Variants in CD46 observed in about 807,000 individuals in gnomAD.
The protein encoded by CD46 is CD46 molecule.
CD46 carries 30 observed loss-of-function variants against 53.3 expected under a neutral mutation model. The ratio of observed to expected loss-of-function variants is 0.56; its 90% confidence interval spans 0.42 to 0.76. The LOEUF is 0.76. Ranked by LOEUF, CD46 falls within the 30% of genes least tolerant of loss-of-function variation. The pLI is 0.00. For synonymous variants in CD46, 142 were observed against 152.0 expected (o/e 0.93, Z 0.48); for missense variants, 409 against 463.0 (o/e 0.88, Z 1.07).
chr1:207,776,325 T>C (rs1658096848), intron 8 of CD46, among the ~76,000 whole-genome samples: 1 of 152,218 alleles, frequency 6.6e-6, no homozygotes, highest in African/African-American at 2.4e-5. Context: ...GTCCTTGCGC[T>C]TCCGGGTGAG....
At chr1:207,767,690 T>C (rs1357621141) in intron 6 of CD46, 89 bp from the exon 7 acceptor site, 1 of 1,595,538 alleles carries the variant, frequency 6.3e-7, no homozygotes, top group East Asian at 2.2e-5. Flanking sequence ...CTTCCTTATA[T>C]GTTACAAGAT....
chr1:207,790,244 T>C lies in CD46; in HGVS notation c.1083-9T>C, dbSNP rs771931491. On this transcript the variant is annotated splice_polypyrimidine_tract_variant and intron_variant, in intron 11 of 12. Coordinates refer to ENST00000367042, the MANE Select transcript of CD46 (RefSeq NM_172351.3). ...ATTTTATTCAGCCGTTTTCTCTTCC[T>C]CTGTTCAGCACATACCTAACTGATG... The C allele has an allele frequency of 2.0e-6, 3 of 1,468,526 alleles. No individual in the cohort carries two copies. In the East Asian group the frequency reaches 6.8e-5, roughly 33 times the overall value. The allele number at this position is 1,468,526 out of a possible 1,614,324, so 91.0% of individuals were successfully genotyped here.
rs554366508 is a variant in CD46 at position 207,778,855 on chromosome 1, A to G, written c.944-4437A>G. 5.3e-5 allele frequency among the ~76,000 whole-genome samples: 8 copies of G among 152,326 alleles called. 1 individual carries two copies. The South Asian group carries it at 1.4e-3, about 28-fold the overall frequency. On this transcript the variant is annotated intron_variant, in intron 8 of 12. Coordinates refer to ENST00000367042, the MANE Select transcript of CD46 (RefSeq NM_172351.3). ...TGGTAGTTTGATAGGAATAGCATTG[A>G]ATCTGTAAATAGCTTTGGGCAGTAT...
Position 207,790,326 on chromosome 1 carries a change from T to C in CD46, c.*22T>C. 6.4e-7 allele frequency: 1 copy of C among 1,571,918 alleles called. No homozygotes were observed. Among genetic ancestry groups the C allele is most frequent in the Non-Finnish European group, 8.8e-7 (1 of 1,142,048 alleles). On this transcript the variant is annotated 3_prime_UTR_variant, in exon 12 of 13. Coordinates refer to ENST00000367042, the MANE Select transcript of CD46 (RefSeq NM_172351.3). The stretch of plus-strand genomic sequence containing the variant: ...CTGAGAAGGAGAGATGAGAGAAAGG[T>C]TTGCTTTTATCATTAAAAGGTATCT...
intron 12 of CD46, among the ~76,000 whole-genome samples, chr1:207,792,378 G>A (rs1259818599): frequency 6.6e-6 from 1 of 152,106 alleles, no homozygotes; most frequent in African/African-American, 2.4e-5. Flanking sequence ...CAGTCCTTAG[G>A]GAACTGCAAT....
intron 9 of CD46, 98 bp downstream of exon 9, chr1:207,783,428 G>T: frequency 1.3e-6 from 1 of 766,476 alleles, no homozygotes; most frequent in Non-Finnish European, 2.4e-6. Context: ...ATCCTTGGTA[G>T]GGTAAGATAA....
chr1:207,786,811 C>T (rs186626769), intron 11 of CD46, among the ~76,000 whole-genome samples: 9 of 152,128 alleles, frequency 5.9e-5, no homozygotes, highest in Admixed American at 1.3e-4. Flanking sequence ...TAATGGAACA[C>T]GATATGCATA....
chr1:207,758,953 C>G (rs1426566502), intron 3 of CD46, among the ~76,000 whole-genome samples: 6 of 146,392 alleles, frequency 4.1e-5, no homozygotes, highest in African/African-American at 1.4e-4. Context: ...GATAATTACT[C>G]TAAGAGTCCA....
chr1:207,786,434 A>G (rs1436424038), intron 11 of CD46, among the ~76,000 whole-genome samples: 1 of 152,240 alleles, frequency 6.6e-6, no homozygotes, highest in Non-Finnish European at 1.5e-5. Flanking sequence ...TAGGGTTTTA[A>G]AACATCAAAC....
rs927208971 is a variant in CD46, at chr1:207,794,016, G to A, written c.*539G>A. 5.9e-5 allele frequency: 10 copies of A among 170,800 alleles called. No individual in the cohort carries two copies. Among genetic ancestry groups the A allele is most frequent in the African/African-American group, 1.4e-4 (6 of 41,872 alleles). 10.6% of individuals were successfully genotyped at this position (170,800 alleles called of 1,614,324 possible). A position where few individuals can be genotyped will look rare whatever the true frequency, so the allele number is the denominator to read the frequency against. ...AACTATAGAATGTATTTTATATATCGTTCATTGTAAAAAGCCCTTAAAAAT... is the reference window on the plus strand; with the variant it reads ...AACTATAGAATGTATTTTATATATCATTCATTGTAAAAAGCCCTTAAAAAT... On this transcript the variant is annotated 3_prime_UTR_variant, in exon 13 of 13. Coordinates refer to ENST00000367042, the MANE Select transcript of CD46 (RefSeq NM_172351.3).
intron 8 of CD46, among the ~76,000 whole-genome samples, chr1:207,770,797 T>C (rs2102615071): frequency 6.6e-6 from 1 of 152,374 alleles, no homozygotes; most frequent in South Asian, 2.1e-4. Context: ...TAATCCAGTC[T>C]ATCATTGATG....
chr1:207,784,991 A>C, intron 9 of CD46, 80 bp from the exon 10 acceptor site: 2 of 1,186,012 alleles, frequency 1.7e-6, no homozygotes, highest in Non-Finnish European at 2.5e-6. Context: ...AACCATATCA[A>C]GTGTTTAGAT....
rs1655625968 is a variant in CD46, at chr1:207,757,056, T to C, written c.140T>C (p.Ile47Thr). ...EPPTFEAMELIGKPKPYYEIG... is the reference protein window; with the variant it reads ...EPPTFEAMELTGKPKPYYEIG... ...CCAACATTTGAAGCTATGGAGCTCA[T>C]TGGTAAACCAAAACCCTACTATGAG... Residue 47 changes from isoleucine (I) to threonine (T), a missense_variant, in exon 2 of 13, where the codon ATT (isoleucine) becomes ACT (threonine). Physicochemically the swap from Ile to Thr is moderately conservative, Grantham distance 89. Coordinates refer to ENST00000367042, the MANE Select transcript of CD46 (RefSeq NM_172351.3). 1 of 1,614,152 alleles carries C rather than the reference T, an allele frequency of 6.2e-7. No homozygotes were observed. Among genetic ancestry groups the C allele is most frequent in the Non-Finnish European group, 8.5e-7 (1 of 1,180,002 alleles).
intron 8 of CD46, among the ~76,000 whole-genome samples, chr1:207,779,137 A>G (rs1425012900): frequency 6.6e-6 from 1 of 152,062 alleles, no homozygotes; most frequent in African/African-American, 2.4e-5. Context: ...TTGATTTTGT[A>G]TCCTGCAACT....
rs777740363 is a variant in CD46 at position 207,761,411 on chromosome 1, A to G, written c.638A>G (p.Asn213Ser). The G allele has an allele frequency of 1.9e-6, 3 of 1,614,134 alleles. No homozygotes were observed. Among genetic ancestry groups the G allele is most frequent in the East Asian group, 4.5e-5 (2 of 44,868 alleles). ...IGESTIYCGD[N>S]SVWSRAAPEC... The stretch of plus-strand genomic sequence containing the variant: ...GAGAGCACGATTTATTGTGGTGACA[A>G]TTCAGTGTGGAGTCGTGCTGCTCCA... The change falls in exon 5 of 13, where the codon AAT becomes AGT. Residue 213 changes from asparagine to serine, a missense_variant. Physicochemically the swap from Asn to Ser is conservative, Grantham distance 46. Coordinates refer to ENST00000367042, the MANE Select transcript of CD46 (RefSeq NM_172351.3).
intron 7 of CD46, chr1:207,768,778 T>G (rs1437895910): frequency 6.6e-6 from 1 of 152,226 alleles, no homozygotes; most frequent in Non-Finnish European, 1.5e-5. Flanking sequence ...TAATTGTGGG[T>G]AGCACTTCAG....
chr1:207,761,454 T>C lies in CD46; in HGVS notation c.673+8T>C. The stretch of plus-strand genomic sequence containing the variant: ...CTGCTCCAGAGTGTAAAGGTAGTGT[T>C]TCAATTTATTTCCTTCTTCATTTGT... On this transcript the variant is annotated splice_region_variant and intron_variant, in intron 5 of 12. Coordinates refer to ENST00000367042, the MANE Select transcript of CD46 (RefSeq NM_172351.3). 1 of 1,603,246 alleles carries C rather than the reference T, an allele frequency of 6.2e-7. No homozygotes were observed. The highest frequency in any genetic ancestry group is 8.5e-7 in the Non-Finnish European group (1 of 1,170,044).
intron 8 of CD46, among the ~76,000 whole-genome samples, chr1:207,772,121 CT>C (rs1657576457): frequency 6.6e-6 from 1 of 152,154 alleles, no homozygotes; most frequent in African/African-American, 2.4e-5. Context: ...ACATCCATCC[CT>C]TGTAAGTTGG....
chr1:207,776,266 G>C lies in CD46; in HGVS notation c.943+5904G>C, dbSNP rs1658091770. Among the ~76,000 whole-genome samples the C allele has an allele frequency of 2.0e-5, 3 of 152,322 alleles. No individual in the cohort carries two copies. The South Asian group carries it at 6.2e-4, about 32-fold the overall frequency. On this transcript the variant is annotated intron_variant, in intron 8 of 12. Coordinates refer to ENST00000367042, the MANE Select transcript of CD46 (RefSeq NM_172351.3). ...TGGTCAGGAGTGTACTGTTTCTCCA[G>C]GTACAGTCTGTCACGGCTTCCCTTG...
Sources: gnomAD v4.1 joint callset for allele counts (sites outside exome capture counted in the v4.1 genomes callset) on GRCh38, gnomAD v4.1.1 for gene constraint, MANE v1.5 for transcripts, NCBI Gene and HGNC (gene_info 2026-07-23, HGNC 2026-07-21) for gene names.